LAMA1: variants seen among roughly 807,000 people sequenced by gnomAD.
LAMA1 encodes the protein laminin subunit alpha-1.
In LAMA1, 219 loss-of-function variants were observed where a neutral mutation model predicts 348.7. The ratio of observed to expected loss-of-function variants is 0.63; its 90% CI spans 0.56 to 0.70. The LOEUF is 0.70. Ranked by LOEUF, LAMA1 falls within the 30% of genes least tolerant of loss-of-function variation. LAMA1 has a pLI of 0.00. For synonymous variants in LAMA1, 1,487 were observed against 1,491.0 expected (o/e 1.00, Z 0.06); for missense variants, 3,744 against 3,888.0 (o/e 0.96, Z 0.99).
chr18:6,942,046 G>A lies in LAMA1; in HGVS notation c.*33C>T, dbSNP rs751890706. 1 of 1,612,070 alleles carries A rather than the reference G, an allele frequency of 6.2e-7. No individual in the cohort carries two copies. Among genetic ancestry groups the A allele is most frequent in the East Asian group, 2.2e-5 (1 of 44,854 alleles). On this transcript the variant is annotated 3_prime_UTR_variant, in exon 63 of 63. Transcript: ENST00000389658. ...ACATACACTTCTCCTCAAAATATTA[G>A]CAATGATTCCAACTGAGGATTCTGC...
At chr18:6,974,233 A>G (rs992781084) in intron 46 of LAMA1, among the ~76,000 whole-genome samples, 1 of 152,050 alleles carries the variant, frequency 6.6e-6, no homozygotes, top group South Asian at 2.1e-4. Context: ...TTTTAAAAAA[A>G]TTTTTTGAAT....
At chr18:7,007,003 T>C in intron 29 of LAMA1, 136 bp downstream of exon 29, 2 of 1,301,374 alleles carry the variant, frequency 1.5e-6, no homozygotes, top group Non-Finnish European at 2.2e-6. Context: ...CTCAAGGAAA[T>C]AGGTTTATAT....
chr18:7,050,061 T>C (rs2058056618), intron 4 of LAMA1, among the ~76,000 whole-genome samples: 1 of 152,194 alleles, frequency 6.6e-6, no homozygotes, highest in Non-Finnish European at 1.5e-5. Flanking sequence ...TTTAAAATGT[T>C]ATGAATAGGC....
intron 49 of LAMA1, 71 bp from the exon 50 acceptor site, chr18:6,965,503 G>T (rs1299726736): frequency 1.3e-6 from 2 of 1,548,832 alleles, no homozygotes; most frequent in Non-Finnish European, 1.8e-6. Context: ...TCAAGTCAGG[G>T]ATGGCTGAAA....
chr18:7,110,894 C>G (rs868609097), intron 1 of LAMA1, among the ~76,000 whole-genome samples: 14 of 151,660 alleles, frequency 9.2e-5, no homozygotes, highest in Non-Finnish European at 1.5e-5. Context: ...TCCCTCCCCC[C>G]CCCCACTTCT....
intron 3 of LAMA1, among the ~76,000 whole-genome samples, chr18:7,051,220 C>T (rs2058061332): frequency 6.6e-6 from 1 of 152,038 alleles, no homozygotes; most frequent in South Asian, 2.1e-4. Context: ...AAGGGTAGAT[C>T]TTAAGTATGC....
intron 57 of LAMA1, among the ~76,000 whole-genome samples, chr18:6,953,438 C>G (rs1170493409): frequency 6.6e-6 from 1 of 152,190 alleles, no homozygotes; most frequent in Non-Finnish European, 1.5e-5. Context: ...TCAACTTTAT[C>G]ATAGATATGC....
intron 59 of LAMA1, 74 bp downstream of exon 59, chr18:6,949,027 G>A (rs572326360): frequency 4.8e-5 from 75 of 1,567,310 alleles, no homozygotes; most frequent in East Asian, 1.8e-4. Flanking sequence ...TAAAGATGCC[G>A]TGAGGTATGC....
chr18:6,962,388 G>A (rs1026416768), intron 51 of LAMA1, among the ~76,000 whole-genome samples: 9 of 132,898 alleles, frequency 6.8e-5, no homozygotes, highest in African/African-American at 2.5e-4. Flanking sequence ...CTCCAGCCTG[G>A]GTGACAGAGC....
chr18:6,950,977 G>A lies in LAMA1; in HGVS notation c.8208-6C>T, dbSNP rs1051036547. ...TGCTTAGCTCAACCGAGAGCCTGGG[G>A]AAAACAAGTGCTCAGCGTTGAGAAA... On this transcript the variant is annotated splice_polypyrimidine_tract_variant and splice_region_variant and intron_variant, in intron 57 of 62. Transcript: ENST00000389658. The A allele has an allele frequency of 6.2e-7, 1 of 1,612,752 alleles. No individual in the cohort carries two copies. Among genetic ancestry groups the A allele is most frequent in the Non-Finnish European group, 8.5e-7 (1 of 1,179,634 alleles).
intron 57 of LAMA1, 158 bp downstream of exon 57, chr18:6,955,195 C>T (rs2057569573): frequency 2.2e-5 from 15 of 678,610 alleles, no homozygotes; most frequent in African/African-American, 3.5e-5. Flanking sequence ...TTGTGATTTG[C>T]ACCAACACTG....
intron 19 of LAMA1, among the ~76,000 whole-genome samples, chr18:7,022,957 G>C (rs186745446): frequency 2.0e-5 from 3 of 152,156 alleles, no homozygotes; most frequent in Non-Finnish European, 2.9e-5. Context: ...ACCCCTATGG[G>C]TTATGACTAA....
intron 13 of LAMA1, among the ~76,000 whole-genome samples, chr18:7,035,449 C>G (rs559351384): frequency 6.6e-6 from 1 of 151,406 alleles, no homozygotes; most frequent in South Asian, 2.1e-4. Flanking sequence ...TTGAGATAGG[C>G]TCTCTCTCTG....
intron 33 of LAMA1, among the ~76,000 whole-genome samples, chr18:6,997,244 G>C (rs1386431504): frequency 6.6e-6 from 1 of 151,888 alleles, no homozygotes; most frequent in Non-Finnish European, 1.5e-5. Context: ...TTGTATTTTT[G>C]GTAGAGATGG....
At chr18:6,958,947 G>GA (rs2144001102) in intron 54 of LAMA1, among the ~76,000 whole-genome samples, 1 of 151,966 alleles carries the variant, frequency 6.6e-6, no homozygotes, top group East Asian at 1.9e-4. Flanking sequence ...TACCTATGAT[G>GA]AAAATGCCCA....
At chr18:7,045,348 T>C (rs972153365) in intron 6 of LAMA1, among the ~76,000 whole-genome samples, 6 of 152,190 alleles carry the variant, frequency 3.9e-5, no homozygotes, top group African/African-American at 1.4e-4. Flanking sequence ...CACGTGCCTG[T>C]AATCCCAGCT....
chr18:7,102,797 A>G (rs535129722), intron 1 of LAMA1, among the ~76,000 whole-genome samples: 75 of 152,344 alleles, frequency 4.9e-4, no homozygotes, highest in African/African-American at 1.6e-3. Context: ...TATGTGTGTT[A>G]ATGAATTTCT....
chr18:7,102,350 C>T (rs1448239395), intron 1 of LAMA1, among the ~76,000 whole-genome samples: 3 of 151,922 alleles, frequency 2.0e-5, no homozygotes, highest in Non-Finnish European at 4.4e-5. Flanking sequence ...TAGCCCAGAA[C>T]GCCTGGAGGA....
intron 22 of LAMA1, among the ~76,000 whole-genome samples, chr18:7,014,466 C>T (rs2057876409): frequency 1.3e-5 from 2 of 151,922 alleles, no homozygotes; most frequent in African/African-American, 4.8e-5. Context: ...TACAAATAAT[C>T]AAAAAATTAG....
Sources: allele counts gnomAD v4.1 joint callset (sites outside exome capture counted in the v4.1 genomes callset), GRCh38; gene constraint gnomAD v4.1.1; transcripts MANE v1.5; gene names NCBI Gene and HGNC (gene_info 2026-07-23, HGNC 2026-07-21).